HYAL4: variants seen among roughly 807,000 people sequenced by gnomAD.
The protein encoded by HYAL4 is hyaluronidase-4.
A neutral mutation model predicts 35.2 loss-of-function variants in HYAL4; 37 were observed. That is an observed-to-expected ratio of 1.05 (90% CI 0.81 to 1.38). The LOEUF is 1.38. HYAL4 is among the 40% of genes most tolerant of loss of function. The probability of loss-of-function intolerance (pLI) is 0.00; values close to 1 mark genes in which losing one functional copy is unlikely to be tolerated. For missense variants in HYAL4, 572 were observed against 572.4 expected (o/e 1.00, Z 0.01); for synonymous variants, 198 against 203.2 (o/e 0.97, Z 0.22).
chr7:123,850,616 T>G (rs1439484855), intron 2 of HYAL4, among the ~76,000 whole-genome samples: 2 of 152,198 alleles, frequency 1.3e-5, no homozygotes, highest in Non-Finnish European at 2.9e-5. Flanking sequence ...GACCGAAGTC[T>G]CTTTACCTAA....
chr7:123,802,236 C>T, the HYAL4 span, among the ~76,000 whole-genome samples: 119 of 151,786 alleles, frequency 7.8e-4, no homozygotes, highest in Admixed American at 3.7e-3. Flanking sequence ...TAAATGTCCA[C>T]TTGGACTTTT....
chr7:123,819,772 T>G, the HYAL4 span, among the ~76,000 whole-genome samples: 1 of 152,202 alleles, frequency 6.6e-6, no homozygotes, highest in African/African-American at 2.4e-5. Flanking sequence ...TGCAGGATTT[T>G]GGTAGATTAA....
At chr7:123,786,777 G>T in the HYAL4 span, among the ~76,000 whole-genome samples, 1 of 151,118 alleles carries the variant, frequency 6.6e-6, no homozygotes, top group African/African-American at 2.4e-5. Flanking sequence ...AAACTGTAAA[G>T]GGTATGAATT....
intron 2 of HYAL4, among the ~76,000 whole-genome samples, chr7:123,848,823 A>G (rs971612844): frequency 2.0e-5 from 3 of 152,214 alleles, no homozygotes; most frequent in Non-Finnish European, 2.9e-5. Context: ...TTTAGGAAGC[A>G]TGCAACATTT....
chr7:123,828,282 C>CA (rs747201696), upstream of HYAL4, among the ~76,000 whole-genome samples: 67 of 151,898 alleles, frequency 4.4e-4, no homozygotes, highest in Non-Finnish European at 8.2e-4. Flanking sequence ...TACTGACCAG[C>CA]AATTAAAGTG....
At chr7:123,772,860 A>G in the HYAL4 span, among the ~76,000 whole-genome samples, 2 of 152,214 alleles carry the variant, frequency 1.3e-5, no homozygotes, top group Non-Finnish European at 2.9e-5. Flanking sequence ...AGGGCCATCC[A>G]CCAAGTGAGG....
At chr7:123,790,900 G>A in the HYAL4 span, among the ~76,000 whole-genome samples, 1 of 151,872 alleles carries the variant, frequency 6.6e-6, no homozygotes, top group African/African-American at 2.4e-5. Context: ...AAGTAGCTGG[G>A]ATTACAGGCA....
upstream of HYAL4, among the ~76,000 whole-genome samples, chr7:123,844,510 T>G (rs972051120): frequency 3.9e-5 from 6 of 152,160 alleles, no homozygotes; most frequent in Non-Finnish European, 7.4e-5. Context: ...GAGGAGGCAA[T>G]CTGTCCTTTC....
chr7:123,815,712 C>A, the HYAL4 span, among the ~76,000 whole-genome samples: 19,660 of 152,154 alleles, frequency 0.13, 1,341 homozygotes, highest in Non-Finnish European at 0.14. Context: ...ATAGGACATT[C>A]TTGTAAGGAT....
At chr7:123,850,610 G>T (rs879162411) in intron 2 of HYAL4, among the ~76,000 whole-genome samples, 1 of 152,150 alleles carries the variant, frequency 6.6e-6, no homozygotes, top group Non-Finnish European at 1.5e-5. Flanking sequence ...TTCACAGACC[G>T]AAGTCTCTTT....
At position 123,846,306 on chromosome 7, in the gene HYAL4, G is replaced by T. The variant is rs1462248632; in HGVS notation, c.-122+621G>T. 2.0e-5 allele frequency among the ~76,000 whole-genome samples: 3 copies of T among 152,084 alleles called. No individual in the cohort carries two copies. In the South Asian group the frequency reaches 6.2e-4, roughly 32 times the overall value. On this transcript the variant is annotated intron_variant, in intron 1 of 4. Coordinates refer to ENST00000223026, the MANE Select transcript of HYAL4 (RefSeq NM_012269.3). ...ATGTGTGAGTTCAGACTCTCCTTGG[G>T]TTGGTCTTGGTGGCAGCTGCTGTGG...
chr7:123,828,279 C>G (rs547177104), upstream of HYAL4, among the ~76,000 whole-genome samples: 3 of 151,880 alleles, frequency 2.0e-5, no homozygotes, highest in Non-Finnish European at 4.4e-5. Flanking sequence ...AAATACTGAC[C>G]AGCAATTAAA....
At chr7:123,849,733 G>A (rs1479072408) in intron 2 of HYAL4, among the ~76,000 whole-genome samples, 2 of 152,106 alleles carry the variant, frequency 1.3e-5, no homozygotes, top group Non-Finnish European at 2.9e-5. Context: ...AGGGTATGGT[G>A]GAGCGTGCCT....
intron 3 of HYAL4, among the ~76,000 whole-genome samples, chr7:123,872,437 C>T (rs1806907519): frequency 6.6e-6 from 1 of 152,158 alleles, no homozygotes; most frequent in Non-Finnish European, 1.5e-5. Flanking sequence ...AGTAATGCTC[C>T]AGCTCCCCAC....
chr7:123,767,712 A>G, the HYAL4 span, among the ~76,000 whole-genome samples: 3 of 152,206 alleles, frequency 2.0e-5, no homozygotes, highest in Non-Finnish European at 2.9e-5. Context: ...AGTTAGGTTG[A>G]TACAGCTTGA....
the HYAL4 span, among the ~76,000 whole-genome samples, chr7:123,818,938 A>G: frequency 6.6e-6 from 1 of 152,172 alleles, no homozygotes; most frequent in Non-Finnish European, 1.5e-5. Context: ...TTTTATTTTA[A>G]GAACATTTAA....
At chr7:123,767,755 C>T in the HYAL4 span, among the ~76,000 whole-genome samples, 3 of 152,042 alleles carry the variant, frequency 2.0e-5, no homozygotes, top group African/African-American at 7.2e-5. Flanking sequence ...GTCAGTTCCA[C>T]CCACACACAT....
the HYAL4 span, among the ~76,000 whole-genome samples, chr7:123,765,729 A>G: frequency 6.6e-6 from 1 of 152,132 alleles, no homozygotes; most frequent in Non-Finnish European, 1.5e-5. Flanking sequence ...CTAATCTACT[A>G]CCAACACAGT....
the HYAL4 span, among the ~76,000 whole-genome samples, chr7:123,803,731 A>T: frequency 6.6e-6 from 1 of 152,178 alleles, no homozygotes; most frequent in African/African-American, 2.4e-5. Context: ...CCTGCAGCAG[A>T]TCTCCATGTG....
Sources: gnomAD v4.1 joint callset for allele counts (sites outside exome capture counted in the v4.1 genomes callset) on GRCh38, gnomAD v4.1.1 for gene constraint, MANE v1.5 for transcripts, NCBI Gene and HGNC (gene_info 2026-07-23, HGNC 2026-07-21) for gene names.